Variants in PHF14 observed in about 807,000 individuals in gnomAD.
PHF14 encodes PHD finger protein 14.
Under a neutral mutation model 117.9 loss-of-function variants are expected in PHF14, and 55 were observed. That is an observed-to-expected ratio of 0.47 (90% CI 0.38 to 0.58). The LOEUF (loss-of-function observed/expected upper bound fraction) is 0.58. PHF14 is among the 20% of genes least tolerant of loss of function. The pLI is 0.00. For missense variants in PHF14, 978 were observed against 1,122.2 expected (o/e 0.87, Z 1.84); for synonymous variants, 409 against 368.6 (o/e 1.11, Z -1.26).
At chr7:11,000,678 T>C (rs1398325888) in intron 4 of PHF14, among the ~76,000 whole-genome samples, 1 of 152,176 alleles carries the variant, frequency 6.6e-6, no homozygotes, top group Non-Finnish European at 1.5e-5. Flanking sequence ...GAGGTGTCTA[T>C]TCAGATCTTT....
chr7:10,993,944 G>A (rs959913437), intron 4 of PHF14, among the ~76,000 whole-genome samples: 3 of 151,702 alleles, frequency 2.0e-5, no homozygotes, highest in Non-Finnish European at 2.9e-5. Flanking sequence ...AGGAGGTGGA[G>A]GCTGCAGTGA....
At chr7:11,128,744 C>G (rs1032794563) in intron 17 of PHF14, among the ~76,000 whole-genome samples, 5 of 151,338 alleles carry the variant, frequency 3.3e-5, no homozygotes, top group African/African-American at 1.2e-4. Flanking sequence ...TCCGTCTCTC[C>G]CATTCTCCCT....
At chr7:11,024,363 G>C (rs1340862895) in intron 6 of PHF14, among the ~76,000 whole-genome samples, 1 of 152,188 alleles carries the variant, frequency 6.6e-6, no homozygotes, top group Non-Finnish European at 1.5e-5. Context: ...TTATTCAGAA[G>C]ATTTAGCTAA....
In PHF14 at chr7:11,154,324, ACAT is replaced by A. The variant is rs1164554498; in HGVS notation, c.2773-15088_2773-15086del. Among the ~76,000 whole-genome samples the A allele has an allele frequency of 2.6e-5, 4 of 152,164 alleles. No homozygotes were observed. In the East Asian group the frequency reaches 7.7e-4, roughly 29 times the overall value. On this transcript the variant is annotated intron_variant, in intron 17 of 17. Coordinates refer to ENST00000634607, the MANE Select transcript of PHF14 (RefSeq NM_001007157.2). ...TGTATAAAAGAAAAACAAAATGTAA[ACAT>A]CATTTCAAGGTGAATTAAATTACTT...
At chr7:11,163,568 T>G (rs181305929) in intron 17 of PHF14, among the ~76,000 whole-genome samples, 8 of 152,304 alleles carry the variant, frequency 5.3e-5, no homozygotes, top group South Asian at 2.1e-4. Flanking sequence ...CGCACTTTAC[T>G]TAATGATCCA....
chr7:10,979,030 G>C (rs1277820144), intron 2 of PHF14, among the ~76,000 whole-genome samples: 1 of 152,034 alleles, frequency 6.6e-6, no homozygotes, highest in Non-Finnish European at 1.5e-5. Context: ...TAACACTGTT[G>C]TACCAGATCA....
intron 4 of PHF14, among the ~76,000 whole-genome samples, chr7:11,010,108 A>G (rs1338303838): frequency 1.3e-5 from 2 of 152,142 alleles, no homozygotes; most frequent in African/African-American, 4.8e-5. Context: ...CATTTTATCT[A>G]GTTTGAATTT....
intron 17 of PHF14, among the ~76,000 whole-genome samples, chr7:11,139,388 A>G (rs1254067701): frequency 6.6e-6 from 1 of 152,098 alleles, no homozygotes; most frequent in African/African-American, 2.4e-5. Flanking sequence ...ACTTAGTGTC[A>G]TTTGCATTAT....
chr7:11,145,978 G>A (rs150006016), intron 17 of PHF14, among the ~76,000 whole-genome samples: 59 of 151,926 alleles, frequency 3.9e-4, no homozygotes, highest in African/African-American at 1.3e-3. Context: ...AATATGTTGA[G>A]CCTAAATTTA....
At chr7:11,104,758 T>C in intron 16 of PHF14, 4 of 605,766 alleles carry the variant, frequency 6.6e-6, no homozygotes, top group Non-Finnish European at 8.3e-6. Context: ...CTTTACTCCC[T>C]CCCCCTTCAC....
chr7:11,152,684 A>G (rs1318105256), intron 17 of PHF14, among the ~76,000 whole-genome samples: 1 of 152,202 alleles, frequency 6.6e-6, no homozygotes, highest in Non-Finnish European at 1.5e-5. Context: ...GTCGTGGAGC[A>G]TGCACTCTAG....
At chr7:11,109,200 T>C (rs1787364182) in intron 16 of PHF14, 1 of 151,810 alleles carries the variant, frequency 6.6e-6, no homozygotes, top group Non-Finnish European at 1.5e-5. Flanking sequence ...GGGGAATTTA[T>C]GCTTAAGCAA....
intron 16 of PHF14, among the ~76,000 whole-genome samples, chr7:11,077,599 T>TAAA (rs10658162): frequency 0.061 from 6,394 of 104,900 alleles, 235 homozygotes; most frequent in Non-Finnish European, 0.074. Flanking sequence ...GACTCTGTCT[T>TAAA]AAAAAAAAAA....
chr7:11,163,645 ACT>A (rs1789115925), intron 17 of PHF14, among the ~76,000 whole-genome samples: 1 of 151,868 alleles, frequency 6.6e-6, no homozygotes, highest in Admixed American at 6.5e-5. Context: ...AACGTTAAAA[ACT>A]CTAATTAATT....
chr7:11,106,127 C>A, intron 16 of PHF14: 10 of 983,366 alleles, frequency 1.0e-5, no homozygotes, highest in Non-Finnish European at 1.2e-5. Flanking sequence ...ATTGTTTTGT[C>A]TCATCTTTCA....
At chr7:11,040,366 T>C (rs1583401562) in intron 11 of PHF14, among the ~76,000 whole-genome samples, 1 of 152,194 alleles carries the variant, frequency 6.6e-6, no homozygotes, top group East Asian at 1.9e-4. Flanking sequence ...TCAAGTGTAC[T>C]GTGTTTTGTT....
intron 17 of PHF14, among the ~76,000 whole-genome samples, chr7:11,121,690 A>G (rs1021498981): frequency 5.9e-5 from 9 of 152,200 alleles, no homozygotes; most frequent in Middle Eastern, 6.8e-3. Context: ...CTAGTCACTG[A>G]GACAGCTAAG....
intron 16 of PHF14, among the ~76,000 whole-genome samples, chr7:11,097,527 G>T: frequency 6.6e-6 from 1 of 152,210 alleles, no homozygotes. Context: ...TAGGATTCAA[G>T]GGTAGGAGGA....
intron 3 of PHF14, among the ~76,000 whole-genome samples, chr7:10,987,490 AT>A (rs1446914922): frequency 5.3e-5 from 8 of 152,134 alleles, no homozygotes; most frequent in Admixed American, 2.0e-4. Context: ...CAGTATTATC[AT>A]TTTGGGGGTA....
Sources: allele counts gnomAD v4.1 joint callset (sites outside exome capture counted in the v4.1 genomes callset), GRCh38; gene constraint gnomAD v4.1.1; transcripts MANE v1.5; gene names NCBI Gene and HGNC (gene_info 2026-07-23, HGNC 2026-07-21).